The following ASB8 variants were observed in gnomAD, a reference collection of about 807,000 sequenced individuals.
The protein encoded by ASB8 is ankyrin repeat and SOCS box containing 8.
Under a neutral mutation model 22.9 loss-of-function variants are expected in ASB8, and 15 were observed. That is an observed-to-expected ratio of 0.66 (90% CI 0.44 to 1.01). The LOEUF is 1.01. Ranked by LOEUF, ASB8 falls within the 50% of genes least tolerant of loss-of-function variation. ASB8 has a pLI of 0.00. For missense variants in ASB8, 294 were observed against 356.9 expected, an observed-to-expected ratio of 0.82 and a Z score of 1.42; for synonymous variants, 124 against 140.8, an observed-to-expected ratio of 0.88 and a Z score of 0.84.
rs767571264 is a variant in ASB8 at position 48,149,342 on chromosome 12, C to T, written c.*24G>A. ...ACAACCTCACCCAGAGCTGCCTGCA[C>T]GATGGTGCAAACATCTTCTCCGGCT... On this transcript the variant is annotated 3_prime_UTR_variant, in exon 4 of 4. Coordinates refer to ENST00000317697, the MANE Select transcript of ASB8 (RefSeq NM_024095.5). The T allele has an allele frequency of 1.2e-5, 19 of 1,602,084 alleles. No individual in the cohort carries two copies. Among genetic ancestry groups the T allele is most frequent in the African/African-American group, 2.7e-5 (2 of 74,662 alleles).
Position 48,149,387 on chromosome 12 carries a change from T to C in ASB8, c.846A>G (p.Glu282=). Residue 282 remains glutamate, a synonymous_variant, in exon 4 of 4, where the codon GAA becomes GAG. Transcript: ENST00000317697. ...KGLPLPASLK[E]YLLLLE ...CCGGCTATTCTAAAAGTAACAGGTA[T>C]TCCTTCAAAGAAGCTGGCAGTGGAA... 1 of 1,614,062 alleles carries C rather than the reference T, an allele frequency of 6.2e-7. No individual in the cohort carries two copies.
chr12:48,150,762 C>A (rs1191172093), intron 3 of ASB8, among the ~76,000 whole-genome samples: 1 of 151,978 alleles, frequency 6.6e-6, no homozygotes, highest in Non-Finnish European at 1.5e-5. Context: ...TCTTAAGTAC[C>A]ACTTCTTAAG....
chr12:48,154,804 G>A (rs1034291675), intron 1 of ASB8, among the ~76,000 whole-genome samples: 1 of 152,094 alleles, frequency 6.6e-6, no homozygotes, highest in African/African-American at 2.4e-5. Flanking sequence ...AGCTGGGCAT[G>A]GTGGCGCACG....
chr12:48,154,115 C>A (rs951983322), intron 1 of ASB8, among the ~76,000 whole-genome samples: 7 of 152,122 alleles, frequency 4.6e-5, no homozygotes, highest in Non-Finnish European at 7.3e-5. Flanking sequence ...AGGAAGAAGG[C>A]TATGGAGCAA....
rs1316036138 is a variant in ASB8 at position 48,153,765 on chromosome 12, C to T, written c.-33-236G>A. ...GAGATTTCCCCAAGAGGTACTAAGA[C>T]CCCCGTGGAGCTCTGTGTGGTTTAC... On this transcript the variant is annotated intron_variant, in intron 1 of 3. Transcript: ENST00000317697. The T allele has an allele frequency of 1.1e-5, 3 of 266,424 alleles. No individual in the cohort carries two copies. In the East Asian group the frequency reaches 2.4e-4, roughly 21 times the overall value. The allele number at this position is 266,424 out of a possible 1,614,324, so 16.5% of individuals were successfully genotyped here. A position where few individuals can be genotyped will look rare whatever the true frequency, so the allele number is the denominator to read the frequency against.
At chr12:48,151,594 T>C (rs1565927834) in intron 2 of ASB8, 1 of 1,451,024 alleles carries the variant, frequency 6.9e-7, no homozygotes, top group Non-Finnish European at 9.1e-7. Flanking sequence ...ATCTTATGTA[T>C]CAAAGCACTG....
chr12:48,155,462 C>T (rs1011520036), intron 1 of ASB8, among the ~76,000 whole-genome samples: 1 of 152,088 alleles, frequency 6.6e-6, no homozygotes, highest in East Asian at 1.9e-4. Flanking sequence ...TGGCTCACGC[C>T]TGTAATCCCA....
intron 1 of ASB8, 133 bp from the exon 2 acceptor site, chr12:48,153,662 A>T: frequency 1.5e-6 from 1 of 652,642 alleles, no homozygotes; most frequent in Non-Finnish European, 2.5e-6. Flanking sequence ...CATAATCATA[A>T]GGAATTGGAT....
Position 48,154,380 on chromosome 12 carries a change from C to G in ASB8, c.-33-851G>C, listed in dbSNP as rs1008568818. Among the ~76,000 whole-genome samples the G allele has an allele frequency of 2.7e-5, 4 of 145,792 alleles. No individual in the cohort carries two copies. The Admixed American group carries it at 2.9e-4, about 10-fold the overall frequency. On this transcript the variant is annotated intron_variant, in intron 1 of 3. Transcript: ENST00000317697. The stretch of plus-strand genomic sequence containing the variant: ...CCTGTAGTCCCAACTACTTGGGAGG[C>G]TGGGGCAGGAGAATGGCGTGAACCT...
intron 2 of ASB8, chr12:48,151,650 C>G (rs1470629804): frequency 2.2e-6 from 3 of 1,363,158 alleles, no homozygotes; most frequent in Non-Finnish European, 2.9e-6. Flanking sequence ...AATCCACTTT[C>G]TATGGCCACC....
At chr12:48,150,200 TCAAA>T (rs766758590) in intron 3 of ASB8, 31 of 710,410 alleles carry the variant, frequency 4.4e-5, no homozygotes, top group South Asian at 3.8e-4. Flanking sequence ...AGAACTGTCC[TCAAA>T]CAGTCAACAC....
intron 1 of ASB8, among the ~76,000 whole-genome samples, chr12:48,156,706 C>T (rs1264986539): frequency 2.6e-5 from 4 of 152,160 alleles, no homozygotes; most frequent in African/African-American, 9.7e-5. Context: ...ACTAATTTCC[C>T]GGGCGCTCTT....
rs1285422691 is a variant in ASB8 at position 48,148,059 on chromosome 12, G to A, written c.*1307C>T. The A allele has an allele frequency of 1.3e-5, 2 of 152,114 alleles. No individual in the cohort carries two copies. The highest frequency in any genetic ancestry group is 2.4e-5 in the African/African-American group (1 of 41,410). 9.4% of individuals were successfully genotyped at this position (152,114 alleles called of 1,614,324 possible). ...TTGGGTAGATGGACCATCACAAAAG[G>A]AGCTCTTACATGCTTTTCCCACTCC... On this transcript the variant is annotated 3_prime_UTR_variant, in exon 4 of 4. Coordinates refer to ENST00000317697, the MANE Select transcript of ASB8 (RefSeq NM_024095.5).
intron 1 of ASB8, among the ~76,000 whole-genome samples, chr12:48,155,681 G>T (rs1353688922): frequency 6.1e-5 from 9 of 146,548 alleles, no homozygotes; most frequent in Non-Finnish European, 1.2e-4. Flanking sequence ...AGTGAGCTGA[G>T]ATCGCGCCAC....
intron 2 of ASB8, chr12:48,153,078 G>A: frequency 3.3e-6 from 1 of 301,554 alleles, no homozygotes; most frequent in Non-Finnish European, 6.4e-6. Context: ...AAGACTTTGA[G>A]CTCAATGGAT....
chr12:48,155,742 A>AATATAT lies in ASB8; in HGVS notation c.-34+1711_-34+1716dup, dbSNP rs1555211490. Among the ~76,000 whole-genome samples the AATATAT allele has an allele frequency of 2.4e-3, 274 of 114,916 alleles. 2 individuals carry two copies. Among genetic ancestry groups the AATATAT allele is most frequent in the African/African-American group, 3.8e-3 (112 of 29,538 alleles). The allele number at this position is 114,916 out of a possible 152,430, so 75.4% of individuals were successfully genotyped here. On this transcript the variant is annotated intron_variant, in intron 1 of 3. Coordinates refer to ENST00000317697, the MANE Select transcript of ASB8 (RefSeq NM_024095.5). ...GAGACTCCATCTCAAAAAAAAAAAA[A>AATATAT]ATATATATATATATATGTATATATA...
At position 48,148,383 on chromosome 12, in the gene ASB8, A is replaced by C. The variant is rs1341259189; in HGVS notation, c.*983T>G. ...TTCTTAGGACTGTTATTTCAGAGCT[A>C]TTTATTACTGTTATTACAGAGCTCT... On this transcript the variant is annotated 3_prime_UTR_variant, in exon 4 of 4. Coordinates refer to ENST00000317697, the MANE Select transcript of ASB8 (RefSeq NM_024095.5). 1 of 152,232 alleles carries C rather than the reference A, an allele frequency of 6.6e-6. No homozygotes were observed. Among genetic ancestry groups the C allele is most frequent in the African/African-American group, 2.4e-5 (1 of 41,464 alleles). The allele number at this position is 152,232 out of a possible 1,614,324, so 9.4% of individuals were successfully genotyped here.
Position 48,149,860 on chromosome 12 carries a change from C to T in ASB8, c.373G>A (p.Ala125Thr), listed in dbSNP as rs1951169189. 1 of 1,614,082 alleles carries T rather than the reference C, an allele frequency of 6.2e-7. No individual in the cohort carries two copies. The highest frequency in any genetic ancestry group is 1.3e-5 in the African/African-American group (1 of 74,928). The change falls in exon 4 of 4, where the codon GCA (alanine) becomes ACA (threonine). Residue 125 changes from alanine (A) to threonine (T), a missense_variant. Coordinates refer to ENST00000317697, the MANE Select transcript of ASB8 (RefSeq NM_024095.5). Reference protein sequence around the residue: ...DGNRDTPLHWAAFKNNAECVR... With the variant: ...DGNRDTPLHWTAFKNNAECVR... ...CACTCAGCATTGTTCTTAAAGGCTG[C>T]CCAGTGAAGTGGGGTATCTCTGTTG... is the stretch of plus-strand genomic sequence containing the variant.
chr12:48,151,068 T>C, intron 3 of ASB8, 133 bp downstream of exon 3: 2 of 689,574 alleles, frequency 2.9e-6, no homozygotes, highest in Non-Finnish European at 5.1e-6. Context: ...ATATTGGCTA[T>C]GCCAACATTA....
Sources: gnomAD v4.1 joint callset for allele counts (sites outside exome capture counted in the v4.1 genomes callset) on GRCh38, gnomAD v4.1.1 for gene constraint, MANE v1.5 for transcripts, NCBI Gene and HGNC (gene_info 2026-07-23, HGNC 2026-07-21) for gene names.